Variants in CCDC60 observed in about 807,000 individuals in gnomAD.
CCDC60 encodes the protein coiled-coil domain containing 60, also known as coiled-coil domain-containing protein 60.
Under a neutral mutation model 63.5 loss-of-function variants are expected in CCDC60, and 54 were observed. The ratio of observed to expected loss-of-function variants is 0.85; its 90% confidence interval spans 0.68 to 1.07. CCDC60 has a LOEUF of 1.07. Ranked by LOEUF, CCDC60 falls within the 50% of genes least tolerant of loss-of-function variation. The pLI is 0.00. For synonymous variants in CCDC60, 206 were observed against 238.8 expected (o/e 0.86, Z 1.27); for missense variants, 651 against 684.3 (o/e 0.95, Z 0.54).
rs540728609 is a variant in CCDC60 at position 119,444,173 on chromosome 12, G to A, written c.170+15411G>A. On this transcript the variant is annotated intron_variant, in intron 2 of 13. Transcript: ENST00000327554. ...GGTTCTATAGTTTGTTGTTTGCCTT[G>A]AAAGACAAACAGCTAGATACTTTTC... is the stretch of plus-strand genomic sequence containing the variant. Among the ~76,000 whole-genome samples the A allele has an allele frequency of 5.4e-4, 83 of 152,302 alleles. 2 individuals are homozygous for A. The South Asian group carries it at 0.017, about 31-fold the overall frequency.
chr12:119,522,180 G>A (rs1408543676), intron 9 of CCDC60, among the ~76,000 whole-genome samples: 1 of 152,226 alleles, frequency 6.6e-6, no homozygotes, highest in Non-Finnish European at 1.5e-5. Flanking sequence ...GCATTTGGAA[G>A]AAAGAAGGGG....
At chr12:119,471,953 CCTTCCTCCCTCTCTCCCT>C (rs1392800066) in intron 2 of CCDC60, 23 bp from the exon 3 acceptor site, 1 of 1,570,088 alleles carries the variant, frequency 6.4e-7, no homozygotes, top group East Asian at 2.2e-5. Context: ...CACCCTCCCA[CCTTCCTCCCTCTCTCCCT>C]CTTCCTCCCT....
intron 11 of CCDC60, 95 bp downstream of exon 11, chr12:119,523,913 C>A: frequency 1.5e-6 from 2 of 1,331,196 alleles, no homozygotes; most frequent in South Asian, 1.3e-5. Flanking sequence ...ATATCACAAA[C>A]AAGAAGAACT....
chr12:119,372,627 A>G (rs909668476), intron 1 of CCDC60, among the ~76,000 whole-genome samples: 2 of 152,150 alleles, frequency 1.3e-5, no homozygotes, highest in East Asian at 3.9e-4. Flanking sequence ...TTCAGTGTTC[A>G]GCCTCCACCT....
intron 1 of CCDC60, among the ~76,000 whole-genome samples, chr12:119,338,775 A>C (rs1168353614): frequency 6.6e-6 from 1 of 152,182 alleles, no homozygotes; most frequent in Non-Finnish European, 1.5e-5. Flanking sequence ...AATGAGGAGG[A>C]ATATGAGGAG....
At chr12:119,514,925 T>A (rs1484423139) in intron 7 of CCDC60, among the ~76,000 whole-genome samples, 2 of 152,232 alleles carry the variant, frequency 1.3e-5, no homozygotes, top group Non-Finnish European at 2.9e-5. Flanking sequence ...TATCCCTAGA[T>A]ACACAAATAC....
intron 7 of CCDC60, among the ~76,000 whole-genome samples, chr12:119,506,945 A>G (rs1361770846): frequency 6.6e-6 from 1 of 152,148 alleles, no homozygotes; most frequent in African/African-American, 2.4e-5. Context: ...AGGGACATGA[A>G]GGAGGAGTGG....
At chr12:119,466,475 C>T (rs1379300533) in intron 2 of CCDC60, among the ~76,000 whole-genome samples, 1 of 152,154 alleles carries the variant, frequency 6.6e-6, no homozygotes, top group Non-Finnish European at 1.5e-5. Flanking sequence ...TGGGATTAAT[C>T]CGTGTAATAA....
At chr12:119,520,361 G>A (rs781281011) in intron 9 of CCDC60, among the ~76,000 whole-genome samples, 169 bp downstream of exon 9, 11 of 151,982 alleles carry the variant, frequency 7.2e-5, no homozygotes, top group African/African-American at 1.2e-4. Context: ...AGGGCCGGGC[G>A]TGGGAATTCA....
intron 2 of CCDC60, among the ~76,000 whole-genome samples, chr12:119,461,762 G>A (rs1158712424): frequency 6.6e-6 from 1 of 152,198 alleles, no homozygotes; most frequent in Non-Finnish European, 1.5e-5. Context: ...GAGGCCCCAG[G>A]TGAGTGGATT....
chr12:119,365,267 C>G (rs1955829658), intron 1 of CCDC60, among the ~76,000 whole-genome samples: 1 of 151,972 alleles, frequency 6.6e-6, no homozygotes, highest in African/African-American at 2.4e-5. Flanking sequence ...GGAGATGGAA[C>G]AAAAGGGACA....
chr12:119,425,633 T>A (rs990720299), intron 1 of CCDC60, among the ~76,000 whole-genome samples: 4 of 152,234 alleles, frequency 2.6e-5, no homozygotes, highest in African/African-American at 7.2e-5. Context: ...CTTCTCTGCC[T>A]TTCCTCCATA....
chr12:119,465,640 C>T (rs376203125), intron 2 of CCDC60, among the ~76,000 whole-genome samples: 22 of 152,164 alleles, frequency 1.4e-4, no homozygotes, highest in African/African-American at 5.3e-4. Context: ...CACCTGTAAT[C>T]CCAGCTACTC....
At chr12:119,501,032 A>G (rs985433779) in intron 6 of CCDC60, among the ~76,000 whole-genome samples, 3 of 152,242 alleles carry the variant, frequency 2.0e-5, no homozygotes, top group African/African-American at 4.8e-5. Flanking sequence ...CATAATAATA[A>G]TAATGGCAAA....
At chr12:119,385,166 T>C (rs963372828) in intron 1 of CCDC60, among the ~76,000 whole-genome samples, 2 of 152,230 alleles carry the variant, frequency 1.3e-5, no homozygotes, top group African/African-American at 2.4e-5. Flanking sequence ...GCTGGAAATA[T>C]ACCATTTGCC....
intron 1 of CCDC60, among the ~76,000 whole-genome samples, chr12:119,356,935 C>T (rs185714183): frequency 7.2e-5 from 11 of 152,278 alleles, no homozygotes; most frequent in Non-Finnish European, 1.0e-4. Context: ...GAAAAGCACA[C>T]AAATATAAGT....
chr12:119,427,591 T>G (rs1164540857), intron 1 of CCDC60, among the ~76,000 whole-genome samples: 1 of 152,250 alleles, frequency 6.6e-6, no homozygotes, highest in Non-Finnish European at 1.5e-5. Context: ...ACAGCAGAGT[T>G]GTTGGATCTA....
intron 1 of CCDC60, among the ~76,000 whole-genome samples, chr12:119,409,983 T>C (rs908380213): frequency 1.3e-5 from 2 of 152,098 alleles, no homozygotes; most frequent in Non-Finnish European, 2.9e-5. Context: ...AATGACAGCC[T>C]CTTAGCCACC....
chr12:119,426,341 A>C (rs1342105652), intron 1 of CCDC60, among the ~76,000 whole-genome samples: 1 of 83,776 alleles, frequency 1.2e-5, no homozygotes, highest in Non-Finnish European at 2.3e-5. Context: ...TTTTTCTTTT[A>C]TTTTTATTTA....
Sources: allele counts gnomAD v4.1 joint callset (sites outside exome capture counted in the v4.1 genomes callset), GRCh38; gene constraint gnomAD v4.1.1; transcripts MANE v1.5; gene names NCBI Gene and HGNC (gene_info 2026-07-23, HGNC 2026-07-21).